CA6: variants seen among roughly 807,000 people sequenced by gnomAD.
CA6 encodes the protein carbonic anhydrase 6, also known as carbonate dehydratase VI.
A neutral mutation model predicts 35.9 loss-of-function variants in CA6; 28 were observed. The observed-to-expected ratio is 0.78, with a 90% confidence interval of 0.58 to 1.07. The LOEUF (loss-of-function observed/expected upper bound fraction) is 1.07, where lower values mean the gene tolerates loss of function less well. Among genes scored for constraint, CA6 ranks in the 50% least tolerant of loss-of-function variants. The pLI, the probability that CA6 is intolerant of heterozygous loss-of-function variation, is 0.00. For missense variants in CA6, 377 were observed against 382.0 expected, an observed-to-expected ratio of 0.99 and a Z score of 0.11; for synonymous variants, 148 against 152.6, an observed-to-expected ratio of 0.97 and a Z score of 0.22.
At chr1:8,973,791 C>CTTTT (rs1557635929) in intron 7 of CA6, among the ~76,000 whole-genome samples, 12 of 68,382 alleles carry the variant, frequency 1.8e-4, no homozygotes, top group African/African-American at 2.8e-4. Flanking sequence ...TTTCTTTTCC[C>CTTTT]TCCCTCCCTC....
chr1:8,973,497 C>T lies in CA6; in HGVS notation c.845-1125C>T, dbSNP rs74639861. Among the ~76,000 whole-genome samples the T allele has an allele frequency of 7.2e-3, 1,092 of 152,276 alleles. 10 individuals carry two copies. The highest frequency in any genetic ancestry group is 0.026 in the African/African-American group (1,066 of 41,566). On this transcript the variant is annotated intron_variant, in intron 7 of 7. Transcript: ENST00000377443. ...CGAGGGGGTCAGATGTTCTAGGTAC[C>T]GGCCCCAGACTGAGGTATTCCATGC...
intron 5 of CA6, among the ~76,000 whole-genome samples, chr1:8,964,763 G>A (rs189373733): frequency 2.0e-4 from 30 of 152,214 alleles, no homozygotes; most frequent in African/African-American, 7.0e-4. Flanking sequence ...AATGCTCCAC[G>A]GAGCCGGAGT....
chr1:8,949,512 C>G, intron 2 of CA6, 70 bp downstream of exon 2: 1 of 1,327,400 alleles, frequency 7.5e-7, no homozygotes, highest in African/African-American at 1.5e-5. Context: ...TTACACGTGT[C>G]CCTGCCAGGA....
In CA6 at chr1:8,967,719, A is replaced by G. The variant is rs1243147073; in HGVS notation, c.632A>G (p.His211Arg). ...GACATGCTGCCCAGGAACCTCCAGC[A>G]CTACTACACCTACCATGGCTCACTC... ...VQDMLPRNLQ[H>R]YYTYHGSLTT... is the part of the protein sequence containing the mutation. Residue 211 changes from histidine to arginine, a missense_variant, in exon 6 of 8, where the codon CAC becomes CGC. Coordinates refer to ENST00000377443, the MANE Select transcript of CA6 (RefSeq NM_001215.4). The G allele has an allele frequency of 1.2e-6, 2 of 1,613,896 alleles. No homozygotes were observed. Among genetic ancestry groups the G allele is most frequent in the Non-Finnish European group, 1.7e-6 (2 of 1,179,954 alleles).
chr1:8,950,247 G>A (rs1309569803), intron 2 of CA6, among the ~76,000 whole-genome samples: 4 of 151,994 alleles, frequency 2.6e-5, no homozygotes, highest in African/African-American at 7.3e-5. Flanking sequence ...CCTCCCCAAA[G>A]TGCTGGGATT....
At chr1:8,960,576 A>C (rs907413272) in intron 4 of CA6, among the ~76,000 whole-genome samples, 12 of 152,240 alleles carry the variant, frequency 7.9e-5, no homozygotes, top group African/African-American at 2.9e-4. Context: ...CAAAATGGAA[A>C]AAGAATCACT....
intron 7 of CA6, among the ~76,000 whole-genome samples, chr1:8,973,193 T>A (rs1178002229): frequency 2.0e-5 from 3 of 152,152 alleles, no homozygotes; most frequent in Non-Finnish European, 2.9e-5. Flanking sequence ...CTAATTTTTG[T>A]ATTTTTAGTA....
chr1:8,950,385 T>A (rs969857806), intron 2 of CA6, among the ~76,000 whole-genome samples: 4 of 152,058 alleles, frequency 2.6e-5, no homozygotes, highest in Non-Finnish European at 5.9e-5. Flanking sequence ...GGAGGGGGCA[T>A]TTTTTAGGCA....
chr1:8,959,138 T>C, intron 4 of CA6, 136 bp downstream of exon 4: 1 of 634,404 alleles, frequency 1.6e-6, no homozygotes, highest in Non-Finnish European at 2.9e-6. Flanking sequence ...TTGGAAACAT[T>C]GACTCGATGG....
At chr1:8,961,303 A>G (rs1259637941) in intron 4 of CA6, among the ~76,000 whole-genome samples, 1 of 152,196 alleles carries the variant, frequency 6.6e-6, no homozygotes, top group Non-Finnish European at 1.5e-5. Context: ...ACATACATAT[A>G]TTTTTTGTGT....
rs996733098 is a variant in CA6 at position 8,953,888 on chromosome 1, A to G, written c.260-3249A>G. Among the ~76,000 whole-genome samples, 41 of 152,202 alleles carry G rather than the reference A, an allele frequency of 2.7e-4. 1 individual carries two copies. The highest frequency in any genetic ancestry group is 2.9e-5 in the Non-Finnish European group (2 of 68,034). On this transcript the variant is annotated intron_variant, in intron 2 of 7. Coordinates refer to ENST00000377443, the MANE Select transcript of CA6 (RefSeq NM_001215.4). ...AAGATACAGGTCATAAAGCTTGCTG[A>G]TAAAACAGGTTGCAGTAAAGAAGCC... is the stretch of plus-strand genomic sequence containing the variant.
Position 8,958,937 on chromosome 1 carries a change from T to C in CA6, c.436T>C (p.Tyr146His), listed in dbSNP as rs1639761370. The C allele has an allele frequency of 1.2e-6, 2 of 1,611,612 alleles. No homozygotes were observed. Among genetic ancestry groups the C allele is most frequent in the Non-Finnish European group, 1.7e-6 (2 of 1,177,838 alleles). The change falls in exon 4 of 8, where the codon TAC (tyrosine) becomes CAC (histidine). Residue 146 changes from tyrosine (Y) to histidine (H), a missense_variant. Transcript: ENST00000377443. Reference protein sequence around the residue: ...EIHIVHYNSKYKSYDIAQDAP... With the variant: ...EIHIVHYNSKHKSYDIAQDAP... ...TCACATTGTTCACTACAATTCTAAA[T>C]ACAAGAGCTATGATATAGCCCAAGA...
At chr1:8,974,599 C>T in intron 7 of CA6, 23 bp from the exon 8 acceptor site, 1 of 1,552,560 alleles carries the variant, frequency 6.4e-7, no homozygotes, top group Non-Finnish European at 8.9e-7. Flanking sequence ...TTAACCATTT[C>T]CGACTAACTC....
At chr1:8,974,543 T>C (rs1270211043) in intron 7 of CA6, 79 bp from the exon 8 acceptor site, 2 of 1,391,334 alleles carry the variant, frequency 1.4e-6, no homozygotes, top group Admixed American at 2.0e-5. Flanking sequence ...GCGGGTATGG[T>C]GTCTGGCCGT....
At chr1:8,946,042 C>CA in intron 1 of CA6, 77 bp downstream of exon 1, 1 of 676,184 alleles carries the variant, frequency 1.5e-6, no homozygotes, top group Non-Finnish European at 2.4e-6. Context: ...TCTTCTTCTT[C>CA]TTTTTTTTTT....
intron 5 of CA6, among the ~76,000 whole-genome samples, chr1:8,964,553 TTGA>T (rs57680926): frequency 0.24 from 36,597 of 151,908 alleles, 4,701 homozygotes; most frequent in African/African-American, 0.3. Context: ...GTCTGCATCG[TTGA>T]TGTCTTACTC....
chr1:8,960,230 C>CAA (rs199920089), intron 4 of CA6, among the ~76,000 whole-genome samples: 3 of 90,786 alleles, frequency 3.3e-5, no homozygotes, highest in Non-Finnish European at 7.3e-5. Context: ...GACTCCGTCT[C>CAA]AAAAAAAAAA....
Position 8,967,746 on chromosome 1 carries a change from C to G in CA6, c.659C>G (p.Thr220Ser), listed in dbSNP as rs757686926. 1 of 1,613,994 alleles carries G rather than the reference C, an allele frequency of 6.2e-7. No homozygotes were observed. Among genetic ancestry groups the G allele is most frequent in the Non-Finnish European group, 8.5e-7 (1 of 1,180,006 alleles). ...TACTACACCTACCATGGCTCACTCACCACGCCTCCCTGCACTGAGAACGTC... is the reference window on the plus strand; with the variant it reads ...TACTACACCTACCATGGCTCACTCAGCACGCCTCCCTGCACTGAGAACGTC... ...QHYYTYHGSL[T>S]TPPCTENVHW... The change falls in exon 6 of 8, where the codon ACC (threonine) becomes AGC (serine). Residue 220 changes from threonine (T) to serine (S), a missense_variant. By Grantham distance (58) the Thr-to-Ser change is moderately conservative. Transcript: ENST00000377443.
intron 2 of CA6, among the ~76,000 whole-genome samples, chr1:8,955,591 G>A (rs571741076): frequency 9.8e-4 from 115 of 117,388 alleles, no homozygotes; most frequent in Non-Finnish European, 5.2e-4. Context: ...CTCGGCTCCC[G>A]TCTGCTTTCA....
Sources: allele counts gnomAD v4.1 joint callset (sites outside exome capture counted in the v4.1 genomes callset), GRCh38; gene constraint gnomAD v4.1.1; transcripts MANE v1.5; gene names NCBI Gene and HGNC (gene_info 2026-07-23, HGNC 2026-07-21).